The following SPEF2 variants were observed in gnomAD, a reference collection of about 807,000 sequenced individuals.
SPEF2 encodes sperm flagellar and cilia associated 2.
SPEF2 carries 187 observed loss-of-function variants against 224.6 expected under a neutral mutation model. That is an observed-to-expected ratio of 0.83 (90% CI 0.74 to 0.94). SPEF2 has a LOEUF of 0.94. SPEF2 is among the 40% of genes least tolerant of loss of function. The probability of loss-of-function intolerance (pLI) is 0.00; values close to 1 mark genes in which losing one functional copy is unlikely to be tolerated. For synonymous variants in SPEF2, 715 were observed against 707.3 expected (o/e 1.01, Z -0.17); for missense variants, 2,170 against 2,135.6 (o/e 1.02, Z -0.32).
intron 30 of SPEF2, chr5:35,781,563 T>G (rs1754340865): frequency 6.6e-6 from 1 of 152,156 alleles, no homozygotes; most frequent in Admixed American, 6.5e-5. Flanking sequence ...AAGAGGAGGC[T>G]TTCTCTGTGT....
At chr5:35,776,488 A>G in intron 29 of SPEF2, 93 bp downstream of exon 29, 1 of 1,424,724 alleles carries the variant, frequency 7.0e-7, no homozygotes. Flanking sequence ...AATTTAAGTT[A>G]GTTACAAATA....
chr5:35,731,581 C>T (rs1315511340), intron 21 of SPEF2, among the ~76,000 whole-genome samples: 1 of 152,086 alleles, frequency 6.6e-6, no homozygotes, highest in Non-Finnish European at 1.5e-5. Flanking sequence ...GGAAATGTGA[C>T]AGAGAGGAAG....
rs1373629360 is a variant in SPEF2 at position 35,706,536 on chromosome 5, CT to C, written c.2665+734del. On this transcript the variant is annotated intron_variant, in intron 18 of 36. Transcript: ENST00000356031. ...GACAAGATTTGAAAAATAAATCTTT[CT>C]TTTTTGTTTATCAATTACCCCAAAT... Among the ~76,000 whole-genome samples, 9 of 152,114 alleles carry C rather than the reference CT, an allele frequency of 5.9e-5. 1 individual carries two copies. In the South Asian group the frequency reaches 1.9e-3, roughly 31 times the overall value.
chr5:35,702,201 G>A, intron 16 of SPEF2: 2 of 456,224 alleles, frequency 4.4e-6, no homozygotes, highest in Non-Finnish European at 8.8e-6. Context: ...AGGGTTGGGT[G>A]CAACATGCAG....
chr5:35,813,581 T>C (rs2149882465), intron 36 of SPEF2, among the ~76,000 whole-genome samples: 1 of 152,346 alleles, frequency 6.6e-6, no homozygotes, highest in South Asian at 2.1e-4. Context: ...CTTGGTTCAC[T>C]TAGCATTGAC....
chr5:35,660,790 G>A (rs988701206), intron 8 of SPEF2, among the ~76,000 whole-genome samples: 2 of 152,136 alleles, frequency 1.3e-5, no homozygotes, highest in African/African-American at 2.4e-5. Flanking sequence ...AGCAAAGTAT[G>A]TTTAGCTGGA....
intron 7 of SPEF2, among the ~76,000 whole-genome samples, chr5:35,657,633 T>A (rs1389025128): frequency 6.6e-6 from 1 of 152,058 alleles, no homozygotes; most frequent in Non-Finnish European, 1.5e-5. Flanking sequence ...GATCATCAAC[T>A]GAGATGGGGA....
chr5:35,771,796 A>T, intron 27 of SPEF2, 40 bp downstream of exon 27: 1 of 1,557,902 alleles, frequency 6.4e-7, no homozygotes, highest in Non-Finnish European at 8.6e-7. Flanking sequence ...GGATGCCTAA[A>T]CCTCTCCTTC....
chr5:35,800,219 A>G, intron 34 of SPEF2, 72 bp downstream of exon 34: 1 of 1,501,708 alleles, frequency 6.7e-7, no homozygotes, highest in Non-Finnish European at 9.0e-7. Flanking sequence ...ACTGACAACA[A>G]GGACTCTATT....
At chr5:35,666,520 T>G (rs1027965108) in intron 8 of SPEF2, among the ~76,000 whole-genome samples, 21 of 152,198 alleles carry the variant, frequency 1.4e-4, no homozygotes, top group Admixed American at 3.9e-4. Flanking sequence ...GGGTTGTAAT[T>G]AACACATTTA....
At chr5:35,801,551 T>C (rs886114387) in intron 34 of SPEF2, among the ~76,000 whole-genome samples, 3 of 152,064 alleles carry the variant, frequency 2.0e-5, no homozygotes, top group African/African-American at 7.2e-5. Flanking sequence ...AGGAGTTAGG[T>C]ATGATGTGCA....
At chr5:35,770,966 T>C (rs899680060) in intron 26 of SPEF2, among the ~76,000 whole-genome samples, 3 of 152,054 alleles carry the variant, frequency 2.0e-5, no homozygotes, top group African/African-American at 7.2e-5. Flanking sequence ...TTGGGGGTGA[T>C]ATTTAGTGCT....
chr5:35,684,183 G>A (rs1323384898), intron 10 of SPEF2: 1 of 152,116 alleles, frequency 6.6e-6, no homozygotes, highest in Non-Finnish European at 1.5e-5. Context: ...TTAGCTCATT[G>A]TAGTTAAACT....
intron 30 of SPEF2, chr5:35,788,725 A>G (rs935104635): frequency 8.5e-6 from 6 of 703,050 alleles, no homozygotes; most frequent in Non-Finnish European, 1.0e-5. Flanking sequence ...TGGCCCTACT[A>G]TTAAGAGAAA....
intron 20 of SPEF2, among the ~76,000 whole-genome samples, chr5:35,718,952 G>A (rs1339295016): frequency 6.6e-6 from 1 of 152,166 alleles, no homozygotes; most frequent in Non-Finnish European, 1.5e-5. Context: ...GAGAGGAGAG[G>A]AAAGAATGTC....
At chr5:35,664,137 C>T (rs1365882418) in intron 8 of SPEF2, among the ~76,000 whole-genome samples, 1 of 152,128 alleles carries the variant, frequency 6.6e-6, no homozygotes, top group African/African-American at 2.4e-5. Flanking sequence ...AGGCCTCATA[C>T]CCCATGGTCT....
chr5:35,738,569 A>T (rs904850955), intron 21 of SPEF2, among the ~76,000 whole-genome samples: 14 of 148,290 alleles, frequency 9.4e-5, no homozygotes, highest in African/African-American at 1.7e-4. Flanking sequence ...ACAAGTTTTG[A>T]CAAACTTGTT....
intron 10 of SPEF2, among the ~76,000 whole-genome samples, chr5:35,672,044 T>TA (rs1554026382): frequency 6.6e-6 from 1 of 151,470 alleles, no homozygotes; most frequent in Non-Finnish European, 1.5e-5. Flanking sequence ...TACATACAAG[T>TA]AAAAAATAAA....
At chr5:35,681,547 G>T (rs1580250048) in intron 10 of SPEF2, among the ~76,000 whole-genome samples, 1 of 152,234 alleles carries the variant, frequency 6.6e-6, no homozygotes, top group South Asian at 2.1e-4. Flanking sequence ...TTTATTATTT[G>T]TTGTCCCAAA....
Sources: gnomAD v4.1 joint callset for allele counts (sites outside exome capture counted in the v4.1 genomes callset) on GRCh38, gnomAD v4.1.1 for gene constraint, MANE v1.5 for transcripts, NCBI Gene and HGNC (gene_info 2026-07-23, HGNC 2026-07-21) for gene names.